The following RXRA variants were observed in gnomAD, a reference collection of about 807,000 sequenced individuals.
The protein encoded by RXRA is retinoic acid receptor RXR-alpha.
Under a neutral mutation model 44.5 loss-of-function variants are expected in RXRA, and 5 were observed. The observed-to-expected ratio is 0.11, with a 90% CI of 0.06 to 0.24. RXRA has a LOEUF of 0.24. RXRA is among the 10% of genes least tolerant of loss of function. The pLI, the probability that RXRA is intolerant of heterozygous loss-of-function variation, is 1.00. For synonymous variants in RXRA, 291 were observed against 271.4 expected (o/e 1.07, Z -0.71); for missense variants, 412 against 646.5 (o/e 0.64, Z 3.93).
At chr9:134,351,305 G>A (rs933507412) in intron 1 of RXRA, among the ~76,000 whole-genome samples, 4 of 152,248 alleles carry the variant, frequency 2.6e-5, no homozygotes. Flanking sequence ...AGAAGGGGCA[G>A]TCGGGAGGTC....
chr9:134,421,528 G>C, intron 5 of RXRA, 148 bp from the exon 6 acceptor site: 1 of 900,590 alleles, frequency 1.1e-6, no homozygotes, highest in African/African-American at 1.7e-5. Flanking sequence ...ATAGTCCCAG[G>C]TTCTGGGGAT....
chr9:134,336,197 T>C (rs1830003381), intron 1 of RXRA, among the ~76,000 whole-genome samples: 1 of 152,140 alleles, frequency 6.6e-6, no homozygotes. Context: ...CCGGGCCCAG[T>C]GGAGGGGTGA....
intron 1 of RXRA, among the ~76,000 whole-genome samples, chr9:134,386,741 C>T (rs1282113014): frequency 6.6e-6 from 1 of 152,174 alleles, no homozygotes; most frequent in Non-Finnish European, 1.5e-5. Flanking sequence ...TGGTGTCCCC[C>T]CGGGTGTCTG....
intron 9 of RXRA, among the ~76,000 whole-genome samples, chr9:134,435,395 G>GC (rs1003957948): frequency 1.8e-4 from 13 of 73,224 alleles, no homozygotes; most frequent in South Asian, 6.0e-4. Flanking sequence ...CCTCCCTCCC[G>GC]CCCCCCCACT....
Position 134,366,382 on chromosome 9 carries a change from C to T in RXRA, c.29-35250C>T, listed in dbSNP as rs1351054826. Among the ~76,000 whole-genome samples, 2 of 152,280 alleles carry T rather than the reference C, an allele frequency of 1.3e-5. No homozygotes were observed. Among genetic ancestry groups the T allele is most frequent in the South Asian group, 2.1e-4 (1 of 4,824 alleles). ...CTCCAGAATTGCACGTGATCTCAGA[C>T]GGTTCCCAGCTTCCTCTGCAGGGCG... is the stretch of plus-strand genomic sequence containing the variant. On this transcript the variant is annotated intron_variant, in intron 1 of 9. Transcript: ENST00000481739. The surrounding 1 kb of genome is among the most constrained non-coding windows in gnomAD (Gnocchi z 5.9).
Position 134,433,962 on chromosome 9 carries a change from A to C in RXRA, c.1136-140A>C. 1 of 615,942 alleles carries C rather than the reference A, an allele frequency of 1.6e-6. No homozygotes were observed. The highest frequency in any genetic ancestry group is 2.0e-5 in the South Asian group (1 of 51,164). The allele number at this position is 615,942 out of a possible 1,614,324, so 38.2% of individuals were successfully genotyped here. ...AGGCTCTGGGGGAGCGGGCGGAGGC[A>C]TGTCCAGCGGCATTCCTCCACCACC... On this transcript the variant is annotated intron_variant, in intron 8 of 9. Transcript: ENST00000481739. This position sits in a 1 kb window ranked among gnomAD's most constrained non-coding sequence, Gnocchi z 4.2.
chr9:134,351,230 C>G (rs530439539), intron 1 of RXRA, among the ~76,000 whole-genome samples: 1 of 152,232 alleles, frequency 6.6e-6, no homozygotes, highest in East Asian at 1.9e-4. Context: ...CTAGGAGGCC[C>G]GGCGGGAAAT....
In RXRA at chr9:134,364,720, C is replaced by T. The variant is rs373953496; in HGVS notation, c.29-36912C>T. Among the ~76,000 whole-genome samples the T allele has an allele frequency of 1.5e-4, 23 of 152,300 alleles. No homozygotes were observed. In the East Asian group the frequency reaches 1.5e-3, roughly 10 times the overall value. On this transcript the variant is annotated intron_variant, in intron 1 of 9. Transcript: ENST00000481739. ...TGGGCTCTTCCGGGCAAGGCTGGGG[C>T]GGTAACCCTGGGGTGTTCTGGGAGA...
At chr9:134,379,174 A>G (rs1213698361) in intron 1 of RXRA, 2 of 729,044 alleles carry the variant, frequency 2.7e-6, no homozygotes, top group African/African-American at 3.8e-5. Flanking sequence ...CAGGACCCGG[A>G]ATTATGCTGT....
At chr9:134,352,206 T>G (rs1830230046) in intron 1 of RXRA, among the ~76,000 whole-genome samples, 1 of 151,722 alleles carries the variant, frequency 6.6e-6, no homozygotes, top group Non-Finnish European at 1.5e-5. Flanking sequence ...CCTGATGAGA[T>G]GAGGAAAGGG....
At chr9:134,434,873 C>CGGGG (rs1831591429) in intron 9 of RXRA, among the ~76,000 whole-genome samples, 3 of 108,908 alleles carry the variant, frequency 2.8e-5, no homozygotes, top group African/African-American at 1.3e-4. Flanking sequence ...GGGAGGGGGT[C>CGGGG]GGGGGAGGTG....
intron 1 of RXRA, among the ~76,000 whole-genome samples, chr9:134,388,527 C>T (rs1244169890): frequency 6.6e-6 from 1 of 152,208 alleles, no homozygotes; most frequent in Non-Finnish European, 1.5e-5. Flanking sequence ...ACGGTCCTTT[C>T]TCCCACGATT....
In RXRA at chr9:134,382,642, AC is replaced by A. The variant is rs1431396200; in HGVS notation, c.29-18989del. ...TCACGAGGGAGGGGCCTTTTGGGTT[AC>A]GAATCAGCCCCTCCAGTTATCCAGG... is the stretch of plus-strand genomic sequence containing the variant. On this transcript the variant is annotated intron_variant, in intron 1 of 9. Coordinates refer to ENST00000481739, the MANE Select transcript of RXRA (RefSeq NM_002957.6). 4.6e-5 allele frequency among the ~76,000 whole-genome samples: 7 copies of A among 152,076 alleles called. No individual in the cohort carries two copies. In the South Asian group the frequency reaches 6.2e-4, roughly 14 times the overall value.
chr9:134,339,237 C>T (rs1461153270), intron 1 of RXRA, among the ~76,000 whole-genome samples: 14 of 152,242 alleles, frequency 9.2e-5, no homozygotes, highest in African/African-American at 2.4e-4. Context: ...GCTGGCATGG[C>T]GCCTCCCGCG....
Position 134,433,986 on chromosome 9 carries a change from C to T in RXRA, c.1136-116C>T. On this transcript the variant is annotated intron_variant, in intron 8 of 9. Coordinates refer to ENST00000481739, the MANE Select transcript of RXRA (RefSeq NM_002957.6). The surrounding 1 kb of genome is among the most constrained non-coding windows in gnomAD (Gnocchi z 4.2). Reference sequence around the variant, plus strand: ...CATGTCCAGCGGCATTCCTCCACCACCTGCTCTGCCCATGGTGGGGCAGCC... The same window carrying T: ...CATGTCCAGCGGCATTCCTCCACCATCTGCTCTGCCCATGGTGGGGCAGCC... 1 of 700,780 alleles carries T rather than the reference C, an allele frequency of 1.4e-6. No individual in the cohort carries two copies. The highest frequency in any genetic ancestry group is 2.7e-5 in the East Asian group (1 of 37,052). 43.4% of individuals were successfully genotyped at this position (700,780 alleles called of 1,614,324 possible).
intron 1 of RXRA, among the ~76,000 whole-genome samples, chr9:134,383,653 T>C (rs2119107094): frequency 6.6e-6 from 1 of 152,190 alleles, no homozygotes; most frequent in African/African-American, 2.4e-5. Flanking sequence ...CTGGCGAGGA[T>C]CTGGGGGTCA....
At chr9:134,408,451 A>G in intron 3 of RXRA, 152 bp downstream of exon 3, 1 of 795,972 alleles carries the variant, frequency 1.3e-6, no homozygotes, top group Admixed American at 3.5e-5. Context: ...CCCCACTCCC[A>G]GGGCTCCGCG....
Position 134,437,019 on chromosome 9 carries a change from C to G in RXRA, c.*405C>G. The stretch of plus-strand genomic sequence containing the variant: ...TTTATCGATGCTGGTTTTCAGAATT[C>G]CTGTGTGGCCCTCCTGTCTGGAGTG... On this transcript the variant is annotated 3_prime_UTR_variant, in exon 10 of 10. Coordinates refer to ENST00000481739, the MANE Select transcript of RXRA (RefSeq NM_002957.6). 1 of 207,292 alleles carries G rather than the reference C, an allele frequency of 4.8e-6. No individual in the cohort carries two copies. The highest frequency in any genetic ancestry group is 9.9e-6 in the Non-Finnish European group (1 of 100,840). 12.8% of individuals were successfully genotyped at this position (207,292 alleles called of 1,614,324 possible).
At chr9:134,372,319 G>A (rs899044552) in intron 1 of RXRA, among the ~76,000 whole-genome samples, 1 of 152,120 alleles carries the variant, frequency 6.6e-6, no homozygotes, top group African/African-American at 2.4e-5. Flanking sequence ...TCAGCTGAGG[G>A]CCTCCTGGAT....
Sources: allele counts gnomAD v4.1 joint callset (sites outside exome capture counted in the v4.1 genomes callset), GRCh38; gene constraint gnomAD v4.1.1; non-coding constraint Gnocchi (gnomAD v3.1); transcripts MANE v1.5; gene names NCBI Gene and HGNC (gene_info 2026-07-23, HGNC 2026-07-21).